The following CDH12 variants were observed in gnomAD, a reference collection of about 807,000 sequenced individuals.
The protein encoded by CDH12 is cadherin-12.
Under a neutral mutation model 74.1 loss-of-function variants are expected in CDH12, and 41 were observed. The observed-to-expected ratio is 0.55, with a 90% confidence interval of 0.43 to 0.72. CDH12 has a LOEUF of 0.72. CDH12 is among the 30% of genes least tolerant of loss of function. CDH12 has a pLI of 0.00. For missense variants in CDH12, 945 were observed against 977.2 expected (o/e 0.97, Z 0.44); for synonymous variants, 399 against 355.0 (o/e 1.12, Z -1.39).
At chr5:21,794,600 A>C (rs959021406) in intron 10 of CDH12, among the ~76,000 whole-genome samples, 1 of 151,562 alleles carries the variant, frequency 6.6e-6, no homozygotes, top group African/African-American at 2.4e-5. Flanking sequence ...TTTTATGTCC[A>C]TCAATTTGTA....
At chr5:21,944,297 T>C (rs1755471414) in intron 6 of CDH12, among the ~76,000 whole-genome samples, 2 of 152,200 alleles carry the variant, frequency 1.3e-5, no homozygotes, top group Admixed American at 6.5e-5. Context: ...ACCCCGAGTT[T>C]AATCAATTAA....
intron 1 of CDH12, among the ~76,000 whole-genome samples, chr5:22,773,693 C>A (rs945258740): frequency 2.6e-5 from 4 of 151,972 alleles, no homozygotes; most frequent in African/African-American, 9.7e-5. Context: ...AAATTATCAA[C>A]AGAATAAATA....
chr5:22,192,435 T>C (rs1750361329), intron 4 of CDH12, among the ~76,000 whole-genome samples: 1 of 152,260 alleles, frequency 6.6e-6, no homozygotes, highest in Middle Eastern at 3.4e-3. Flanking sequence ...TTCTGGTGAA[T>C]GTAATGTCAG....
At chr5:22,665,679 G>A (rs1470956239) in intron 1 of CDH12, among the ~76,000 whole-genome samples, 1 of 152,096 alleles carries the variant, frequency 6.6e-6, no homozygotes, top group East Asian at 1.9e-4. Context: ...TTCACATGAA[G>A]GCAACTTTTT....
At chr5:22,815,607 TA>T (rs1361977716) in intron 1 of CDH12, among the ~76,000 whole-genome samples, 5 of 151,418 alleles carry the variant, frequency 3.3e-5, no homozygotes, top group African/African-American at 1.2e-4. Context: ...CCATCTCTAC[TA>T]AAAATACAAA....
At chr5:21,765,880 C>T (rs763142021) in intron 11 of CDH12, among the ~76,000 whole-genome samples, 1 of 152,000 alleles carries the variant, frequency 6.6e-6, no homozygotes, top group Non-Finnish European at 1.5e-5. Flanking sequence ...CCTGTTTGAA[C>T]TTGTGCAATA....
At chr5:21,808,402 T>A (rs1373125635) in intron 9 of CDH12, among the ~76,000 whole-genome samples, 1 of 151,960 alleles carries the variant, frequency 6.6e-6, no homozygotes, top group Non-Finnish European at 1.5e-5. Flanking sequence ...AGTAAAGCCA[T>A]CACTTTTAGG....
chr5:21,802,313 C>G lies in CDH12; in HGVS notation c.1110G>C (p.Thr370=). ...HSAGPFKDTA[T]VKISVLDVDE... is the part of the protein sequence containing the mutation. ...CTACGTCCAGCACGCTGATCTTCAC[C>G]GTAGCTGTGTCTTTGAAAGGGCCCG... Residue 370 remains threonine (T), a synonymous_variant, in exon 10 of 15, where the codon ACG becomes ACC. Transcript: ENST00000382254. The G allele has an allele frequency of 6.2e-7, 1 of 1,613,836 alleles. No homozygotes were observed. Among genetic ancestry groups the G allele is most frequent in the African/African-American group, 1.3e-5 (1 of 74,990 alleles).
intron 3 of CDH12, among the ~76,000 whole-genome samples, chr5:22,270,698 T>A (rs1317919013): frequency 6.6e-6 from 1 of 151,834 alleles, no homozygotes; most frequent in Non-Finnish European, 1.5e-5. Flanking sequence ...TGAGACAGAG[T>A]TTTGCTCTTG....
intron 2 of CDH12, among the ~76,000 whole-genome samples, chr5:22,471,802 T>A (rs1376735222): frequency 6.6e-6 from 1 of 152,202 alleles, no homozygotes; most frequent in Admixed American, 6.5e-5. Flanking sequence ...CAGAACACCC[T>A]AATCTCTTAT....
intron 1 of CDH12, among the ~76,000 whole-genome samples, chr5:22,600,976 A>G (rs1163134349): frequency 6.6e-6 from 1 of 152,110 alleles, no homozygotes; most frequent in Non-Finnish European, 1.5e-5. Flanking sequence ...ATTTATATTT[A>G]ACACTTGTAA....
chr5:22,327,666 T>C (rs997101227), intron 3 of CDH12, among the ~76,000 whole-genome samples: 1 of 152,218 alleles, frequency 6.6e-6, no homozygotes, highest in Non-Finnish European at 1.5e-5. Context: ...TACCTCTTAC[T>C]ACTCCATTAC....
chr5:21,794,276 T>G (rs1456453367), intron 10 of CDH12, among the ~76,000 whole-genome samples: 1 of 151,774 alleles, frequency 6.6e-6, no homozygotes, highest in East Asian at 1.9e-4. Context: ...CTTTCTTGTT[T>G]GCTTTTTTTT....
chr5:22,625,143 C>T (rs1738216397), intron 1 of CDH12, among the ~76,000 whole-genome samples: 1 of 152,032 alleles, frequency 6.6e-6, no homozygotes. Flanking sequence ...GGGAACATCA[C>T]ACACCGGGGC....
chr5:21,838,924 T>C (rs528740985), intron 8 of CDH12, among the ~76,000 whole-genome samples: 359 of 152,294 alleles, frequency 2.4e-3, no homozygotes, highest in South Asian at 0.015. Context: ...TAACTTTGTA[T>C]CCCTGATATA....
chr5:21,823,439 T>G (rs926860796), intron 8 of CDH12, among the ~76,000 whole-genome samples: 1 of 152,116 alleles, frequency 6.6e-6, no homozygotes, highest in Non-Finnish European at 1.5e-5. Context: ...ATAGCCTATA[T>G]AGCTTGGCCA....
intron 2 of CDH12, among the ~76,000 whole-genome samples, chr5:22,499,223 C>A (rs1259075649): frequency 2.0e-5 from 3 of 151,986 alleles, no homozygotes; most frequent in Non-Finnish European, 2.9e-5. Flanking sequence ...CCAGTGTGAT[C>A]TTCTTAAAAG....
intron 1 of CDH12, among the ~76,000 whole-genome samples, chr5:22,765,813 T>G (rs186400058): frequency 4.1e-4 from 63 of 151,952 alleles, no homozygotes; most frequent in Non-Finnish European, 8.0e-4. Context: ...TATATAGAGT[T>G]CCTTAAAGAA....
intron 8 of CDH12, among the ~76,000 whole-genome samples, chr5:21,838,886 C>A (rs10052427): frequency 0.11 from 16,064 of 152,198 alleles, 1,619 homozygotes; most frequent in African/African-American, 0.27. Context: ...CATCCATACC[C>A]ACATGGATTG....
Sources: allele counts gnomAD v4.1 joint callset (sites outside exome capture counted in the v4.1 genomes callset), GRCh38; gene constraint gnomAD v4.1.1; transcripts MANE v1.5; gene names NCBI Gene and HGNC (gene_info 2026-07-23, HGNC 2026-07-21).